TMPRSS2: variants seen among roughly 807,000 people sequenced by gnomAD.
TMPRSS2 encodes transmembrane serine protease 2.
Under a neutral mutation model 67.4 loss-of-function variants are expected in TMPRSS2, and 59 were observed. That is an observed-to-expected ratio of 0.88 (90% CI 0.71 to 1.09). The LOEUF (loss-of-function observed/expected upper bound fraction) is 1.09. Among genes scored for constraint, TMPRSS2 ranks in the 50% least tolerant of loss-of-function variants. The pLI, the probability that TMPRSS2 is intolerant of heterozygous loss-of-function variation, is 0.00. For missense variants in TMPRSS2, 668 were observed against 642.7 expected (o/e 1.04, Z -0.43); for synonymous variants, 257 against 257.0 (o/e 1.00, Z 0.00).
At position 41,465,569 on chromosome 21, in the gene TMPRSS2, T is replaced by C. The variant is rs1453782417; in HGVS notation, c.*573A>G. ...CCCCATAAGAACAAAAATGTTTCTG[T>C]TCCCCTTACAAGTGACTACCACGTC... On this transcript the variant is annotated 3_prime_UTR_variant, in exon 14 of 14. Transcript: ENST00000332149. 1.3e-5 allele frequency: 3 copies of C among 233,804 alleles called. No homozygotes were observed. Among genetic ancestry groups the C allele is most frequent in the African/African-American group, 2.2e-5 (1 of 45,358 alleles). The allele number at this position is 233,804 out of a possible 1,614,324, so 14.5% of individuals were successfully genotyped here. A position where few individuals can be genotyped will look rare whatever the true frequency, so the allele number is the denominator to read the frequency against.
chr21:41,468,234 C>T lies in TMPRSS2; in HGVS notation c.1314+162G>A, dbSNP rs144359794. ...TGTTGACTGTACTTCCTTCTGCCACCAGAAGCGTTCGCACTGTTTGTGGCC... is the reference window on the plus strand; with the variant it reads ...TGTTGACTGTACTTCCTTCTGCCACTAGAAGCGTTCGCACTGTTTGTGGCC... On this transcript the variant is annotated intron_variant, in intron 12 of 13. Coordinates refer to ENST00000332149, the MANE Select transcript of TMPRSS2 (RefSeq NM_005656.4). The T allele has an allele frequency of 4.7e-6, 4 of 846,710 alleles. No individual in the cohort carries two copies. In the East Asian group the frequency reaches 1.1e-4, roughly 22 times the overall value. The allele number at this position is 846,710 out of a possible 1,614,324, so 52.4% of individuals were successfully genotyped here.
chr21:41,498,950 A>T (rs1444311407), intron 1 of TMPRSS2, among the ~76,000 whole-genome samples: 1 of 152,130 alleles, frequency 6.6e-6, no homozygotes, highest in East Asian at 1.9e-4. Flanking sequence ...GAGCAGGTGC[A>T]ATCAGACCGT....
chr21:41,494,165 C>T (rs1441005529), intron 3 of TMPRSS2, among the ~76,000 whole-genome samples, 191 bp downstream of exon 3: 1 of 152,212 alleles, frequency 6.6e-6, no homozygotes, highest in African/African-American at 2.4e-5. Flanking sequence ...GAGGCTAGGC[C>T]TGGCAGCGAC....
At chr21:41,504,341 C>T (rs979952504) in intron 1 of TMPRSS2, among the ~76,000 whole-genome samples, 1 of 152,208 alleles carries the variant, frequency 6.6e-6, no homozygotes, top group African/African-American at 2.4e-5. Context: ...GATGTCAGAG[C>T]CCTCACCTCC....
chr21:41,471,207 T>G (rs1210004915), intron 10 of TMPRSS2, among the ~76,000 whole-genome samples: 1 of 152,246 alleles, frequency 6.6e-6, no homozygotes, highest in Non-Finnish European at 1.5e-5. Flanking sequence ...TGTATCCACA[T>G]GGGGCTAGAA....
At chr21:41,480,705 C>T (rs542333608) in intron 5 of TMPRSS2, 103 bp from the exon 6 acceptor site, 1 of 1,480,220 alleles carries the variant, frequency 6.8e-7, no homozygotes, top group African/African-American at 1.4e-5. Flanking sequence ...GTGGTCTGAT[C>T]TCCACTCACT....
Position 41,476,628 on chromosome 21 carries a change from A to G in TMPRSS2, c.684-8T>C, listed in dbSNP as rs755801570. The stretch of plus-strand genomic sequence containing the variant: ...TTTGAAGAACAGGCATCACTGCAAA[A>G]AGAACAGGGGAAATTCTGGTCACGA... On this transcript the variant is annotated splice_region_variant and splice_polypyrimidine_tract_variant and intron_variant, in intron 7 of 13. Coordinates refer to ENST00000332149, the MANE Select transcript of TMPRSS2 (RefSeq NM_005656.4). 3 of 1,489,856 alleles carry G rather than the reference A, an allele frequency of 2.0e-6. No individual in the cohort carries two copies. The East Asian group carries it at 7.1e-5, about 35-fold the overall frequency. The allele number at this position is 1,489,856 out of a possible 1,614,324, so 92.3% of individuals were successfully genotyped here.
chr21:41,480,504 G>A lies in TMPRSS2; in HGVS notation c.544C>T (p.Arg182Trp), dbSNP rs757262240. The A allele has an allele frequency of 8.7e-6, 14 of 1,613,672 alleles. No individual in the cohort carries two copies. Among genetic ancestry groups the A allele is most frequent in the South Asian group, 3.3e-5 (3 of 91,088 alleles). ...TAGCCCATGTCCCTGCAGGCCGCCC[G>A]CCCGTAGTTCTCGTTCCAGTCGTCT... is the stretch of plus-strand genomic sequence containing the variant. ...CQDDWNENYG[R>W]AACRDMGYKN... The change falls in exon 6 of 14, where the codon CGG becomes TGG. Residue 182 changes from arginine to tryptophan, a missense_variant. By Grantham distance (101) the Arg-to-Trp change is moderately radical. Coordinates refer to ENST00000332149, the MANE Select transcript of TMPRSS2 (RefSeq NM_005656.4).
rs1569008897 is a variant in TMPRSS2 at position 41,468,799 on chromosome 21, G to A, written c.1172-261C>T. 9.0e-6 allele frequency: 4 copies of A among 444,092 alleles called. No individual in the cohort carries two copies. The East Asian group carries it at 1.4e-4, about 15-fold the overall frequency. 27.5% of individuals were successfully genotyped at this position (444,092 alleles called of 1,614,324 possible). Reference sequence around the variant, plus strand: ...AAATTCCCAGCTCTGAAACTATAGGGCTCTATCAGTGCCATGGAATCCCCC... The same window carrying A: ...AAATTCCCAGCTCTGAAACTATAGGACTCTATCAGTGCCATGGAATCCCCC... On this transcript the variant is annotated intron_variant, in intron 11 of 13. Coordinates refer to ENST00000332149, the MANE Select transcript of TMPRSS2 (RefSeq NM_005656.4).
intron 2 of TMPRSS2, chr21:41,494,828 T>C: frequency 2.0e-6 from 1 of 493,458 alleles, no homozygotes; most frequent in Non-Finnish European, 3.7e-6. Context: ...CCCAGCACTT[T>C]GGGAGGCCGA....
intron 5 of TMPRSS2, among the ~76,000 whole-genome samples, chr21:41,485,631 A>G (rs1419627983): frequency 1.3e-5 from 2 of 148,596 alleles, no homozygotes; most frequent in Admixed American, 1.3e-4. Context: ...CCTGGGCAAC[A>G]GAGTGAAACC....
chr21:41,470,819 C>T (rs1160357228), intron 10 of TMPRSS2, 76 bp from the exon 11 acceptor site: 7 of 1,245,150 alleles, frequency 5.6e-6, no homozygotes, highest in African/African-American at 2.9e-5. Context: ...CACATGCAGG[C>T]TGCTGGGCCT....
intron 3 of TMPRSS2, 23 bp from the exon 4 acceptor site, chr21:41,489,616 ACGTTC>A: frequency 6.4e-7 from 1 of 1,566,202 alleles, no homozygotes; most frequent in Non-Finnish European, 8.8e-7. Flanking sequence ...GGAGAGTGCA[ACGTTC>A]AGACCAGAGT....
chr21:41,476,078 G>T (rs1284845434), intron 8 of TMPRSS2, among the ~76,000 whole-genome samples: 1 of 152,122 alleles, frequency 6.6e-6, no homozygotes, highest in African/African-American at 2.4e-5. Context: ...GGACACCCAA[G>T]TCTAAGCCAC....
intron 2 of TMPRSS2, among the ~76,000 whole-genome samples, chr21:41,496,040 C>G (rs2091379469): frequency 6.6e-6 from 1 of 152,034 alleles, no homozygotes; most frequent in South Asian, 2.1e-4. Context: ...TTCCTCCAGT[C>G]TTTTCCTTGA....
At position 41,468,395 on chromosome 21, in the gene TMPRSS2, C is replaced by G; in HGVS notation, c.1314+1G>C. ...AAGGTAGAATAAAAATGTTGAATTA[C>G]CTGGCAAGAATCGACGTTCCCCTGC... On this transcript the variant is annotated splice_donor_variant, in intron 12 of 13. Coordinates refer to ENST00000332149, the MANE Select transcript of TMPRSS2 (RefSeq NM_005656.4). LOFTEE classifies it high-confidence loss of function. 3.1e-6 allele frequency: 5 copies of G among 1,614,054 alleles called. No individual in the cohort carries two copies. The highest frequency in any genetic ancestry group is 4.2e-6 in the Non-Finnish European group (5 of 1,179,998).
At chr21:41,479,549 T>C (rs1201916705) in intron 6 of TMPRSS2, among the ~76,000 whole-genome samples, 6 of 152,180 alleles carry the variant, frequency 3.9e-5, no homozygotes, top group Non-Finnish European at 8.8e-5. Context: ...GACATAGGAT[T>C]GTATAATCAT....
At chr21:41,466,750 G>T (rs988993564) in intron 13 of TMPRSS2, among the ~76,000 whole-genome samples, 4 of 152,238 alleles carry the variant, frequency 2.6e-5, no homozygotes, top group African/African-American at 9.6e-5. Context: ...CTGGGCATCT[G>T]GGAGATTTGG....
chr21:41,507,922 C>A, intron 1 of TMPRSS2, 159 bp downstream of exon 1: 2 of 1,493,722 alleles, frequency 1.3e-6, no homozygotes, highest in Non-Finnish European at 1.8e-6. Context: ...CCGGCTGGCC[C>A]CAGCGCTCGA....
Sources: gnomAD v4.1 joint callset for allele counts (sites outside exome capture counted in the v4.1 genomes callset) on GRCh38, gnomAD v4.1.1 for gene constraint, MANE v1.5 for transcripts, NCBI Gene and HGNC (gene_info 2026-07-23, HGNC 2026-07-21) for gene names.